Variants in NELFCD observed in about 807,000 individuals in gnomAD.
NELFCD encodes the protein negative elongation factor complex member C/D.
In NELFCD, 48 loss-of-function variants were observed where a neutral mutation model predicts 72.9. The observed-to-expected ratio is 0.66, with a 90% confidence interval of 0.52 to 0.84. NELFCD has a LOEUF of 0.84. NELFCD is among the 40% of genes least tolerant of loss of function. The pLI is 0.00. For missense variants in NELFCD, 538 were observed against 723.8 expected, an observed-to-expected ratio of 0.74 and a Z score of 2.94; for synonymous variants, 297 against 280.6, an observed-to-expected ratio of 1.06 and a Z score of -0.59.
chr20:58,994,428 T>C (rs2091842923), intron 14 of NELFCD, among the ~76,000 whole-genome samples, 189 bp downstream of exon 14: 1 of 151,988 alleles, frequency 6.6e-6, no homozygotes, highest in Non-Finnish European at 1.5e-5. Context: ...CTGGGCATGG[T>C]GGCACGTGCC....
intron 4 of NELFCD, 64 bp downstream of exon 4, chr20:58,987,881 C>T (rs1358314897): frequency 1.8e-5 from 22 of 1,228,774 alleles, no homozygotes; most frequent in Non-Finnish European, 2.5e-5. Flanking sequence ...TCCCTGTGTA[C>T]AGTGGAGCGT....
rs554083051 is a variant in NELFCD, at chr20:58,991,616, G to A, written c.1089+170G>A. On this transcript the variant is annotated intron_variant, in intron 9 of 14. Coordinates refer to ENST00000652272, the MANE Select transcript of NELFCD (RefSeq NM_198976.4). Reference sequence around the variant, plus strand: ...AGCACTAAACGTCTCCAGAAAATGTGCGTAATGTCTCCAATGCTCTGCAAA... The same window carrying A: ...AGCACTAAACGTCTCCAGAAAATGTACGTAATGTCTCCAATGCTCTGCAAA... 4 of 795,856 alleles carry A rather than the reference G, an allele frequency of 5.0e-6. No individual in the cohort carries two copies. In the East Asian group the frequency reaches 1.1e-4, roughly 21 times the overall value. 49.3% of individuals were successfully genotyped at this position (795,856 alleles called of 1,614,324 possible). A position where few individuals can be genotyped will look rare whatever the true frequency, so the allele number is the denominator to read the frequency against.
rs75004746 is a variant in NELFCD, at chr20:58,991,300, G to A, written c.955-12G>A. 2,183 of 1,614,162 alleles carry A rather than the reference G, an allele frequency of 1.4e-3. 31 individuals are homozygous for A. The African/African-American group carries it at 0.027, about 20-fold the overall frequency. ...GCCTGCCATCCCGAACTGGGCATAT[G>A]CTTCTCCTCAGATCCGCGTTCCAGC... On this transcript the variant is annotated splice_polypyrimidine_tract_variant and intron_variant, in intron 8 of 14. Transcript: ENST00000652272.
intron 1 of NELFCD, among the ~76,000 whole-genome samples, chr20:58,985,436 G>A (rs2091764828): frequency 1.3e-5 from 2 of 152,236 alleles, no homozygotes; most frequent in Non-Finnish European, 2.9e-5. Context: ...AAGTTGGACA[G>A]GGTTTGGGAT....
chr20:58,983,416 G>A lies in NELFCD; in HGVS notation c.60+2047G>A, dbSNP rs113739752. On this transcript the variant is annotated intron_variant, in intron 1 of 14. Transcript: ENST00000652272. ...CTCCCAAAATGCTAGGATTACAGGCGTGAGCCACCGCACCCGGCCTTTTTT... is the reference window on the plus strand; with the variant it reads ...CTCCCAAAATGCTAGGATTACAGGCATGAGCCACCGCACCCGGCCTTTTTT... Among the ~76,000 whole-genome samples the A allele has an allele frequency of 2.3e-4, 35 of 150,144 alleles. 1 individual carries two copies. Among genetic ancestry groups the A allele is most frequent in the East Asian group, 7.9e-4 (4 of 5,092 alleles).
At chr20:58,985,087 T>C (rs1280110739) in intron 1 of NELFCD, among the ~76,000 whole-genome samples, 2 of 152,234 alleles carry the variant, frequency 1.3e-5, no homozygotes, top group Admixed American at 6.5e-5. Flanking sequence ...GTTGTGCCTG[T>C]CTCTGTCTTA....
chr20:58,985,109 C>T (rs2091762660), intron 1 of NELFCD, among the ~76,000 whole-genome samples: 1 of 152,224 alleles, frequency 6.6e-6, no homozygotes, highest in South Asian at 2.1e-4. Flanking sequence ...CTACTTACCT[C>T]TGCCCTTACA....
At position 58,989,656 on chromosome 20, in the gene NELFCD, A is replaced by G. The variant is rs778217155; in HGVS notation, c.657+16A>G. 2.4e-5 allele frequency: 38 copies of G among 1,614,054 alleles called. No individual in the cohort carries two copies. Among genetic ancestry groups the G allele is most frequent in the Non-Finnish European group, 3.1e-5 (37 of 1,180,022 alleles). ...TGAGTTTGCCGTAAGTTCTTTCTTTATGAACCTCAGATTAGAAGGAGGCTG... is the reference window on the plus strand; with the variant it reads ...TGAGTTTGCCGTAAGTTCTTTCTTTGTGAACCTCAGATTAGAAGGAGGCTG... On this transcript the variant is annotated intron_variant, in intron 6 of 14. Transcript: ENST00000652272.
At position 58,993,055 on chromosome 20, in the gene NELFCD, A is replaced by C; in HGVS notation, c.1287A>C (p.Pro429=). Residue 429 remains proline, a synonymous_variant, in exon 11 of 15, where the codon CCA becomes CCC. Coordinates refer to ENST00000652272, the MANE Select transcript of NELFCD (RefSeq NM_198976.4). The surrounding 1 kb of genome is among the most constrained non-coding windows in gnomAD (Gnocchi z 5.0). ...GGGTGGATTGGACTGTATCAGAACC[A>C]AGGTACTTTCAGCTGCAGACTGACC... The part of the protein sequence containing the change: ...LKWVDWTVSE[P]RYFQLQTDHT... 1 of 1,614,164 alleles carries C rather than the reference A, an allele frequency of 6.2e-7. No individual in the cohort carries two copies. The highest frequency in any genetic ancestry group is 8.5e-7 in the Non-Finnish European group (1 of 1,180,024).
Position 58,994,688 on chromosome 20 carries a change from C to T in NELFCD, c.*12C>T. 6.2e-7 allele frequency: 1 copy of T among 1,607,564 alleles called. No individual in the cohort carries two copies. The highest frequency in any genetic ancestry group is 8.5e-7 in the Non-Finnish European group (1 of 1,174,480). On this transcript the variant is annotated 3_prime_UTR_variant, in exon 15 of 15. Transcript: ENST00000652272. The stretch of plus-strand genomic sequence containing the variant: ...TCATGGTGAACTAATTTAGAGCATC[C>T]TCCAGAGCTGAAGCAGAACATTCCA...
chr20:58,985,508 T>G (rs1405761048), intron 1 of NELFCD, among the ~76,000 whole-genome samples: 6 of 152,086 alleles, frequency 3.9e-5, no homozygotes, highest in Non-Finnish European at 8.8e-5. Context: ...TTAGATGGAG[T>G]GACAGGCCTG....
rs886145458 is a variant in NELFCD at position 58,985,229 on chromosome 20, CT to C, written c.61-863del. On this transcript the variant is annotated intron_variant, in intron 1 of 14. Transcript: ENST00000652272. ...GGATTCGGCTCTGGGTCATAGTTTGCTGACCCCTGGCCCAGCTCTTGCCCCA... is the reference window on the plus strand; with the variant it reads ...GGATTCGGCTCTGGGTCATAGTTTGCGACCCCTGGCCCAGCTCTTGCCCCA... Among the ~76,000 whole-genome samples the C allele has an allele frequency of 5.7e-3, 868 of 152,310 alleles. 10 individuals carry two copies. Among genetic ancestry groups the C allele is most frequent in the African/African-American group, 0.02 (835 of 41,566 alleles).
intron 5 of NELFCD, 166 bp from the exon 6 acceptor site, chr20:58,989,321 GC>G: frequency 1.3e-6 from 1 of 791,660 alleles, no homozygotes; most frequent in Non-Finnish European, 2.1e-6. Flanking sequence ...GAGGTGGTCA[GC>G]CCAGGGCACA....
intron 10 of NELFCD, 90 bp from the exon 11 acceptor site, chr20:58,992,908 G>C: frequency 1.2e-6 from 1 of 861,826 alleles, no homozygotes; most frequent in Non-Finnish European, 1.9e-6. Flanking sequence ...GGAGTCATTT[G>C]AGTTTGTTTT....
At chr20:58,982,618 C>T (rs2091743821) in intron 1 of NELFCD, among the ~76,000 whole-genome samples, 1 of 152,094 alleles carries the variant, frequency 6.6e-6, no homozygotes, top group African/African-American at 2.4e-5. Context: ...CCAAGGCGGG[C>T]GATGTGTTTC....
Position 58,986,348 on chromosome 20 carries a change from C to CTTTT in NELFCD, c.176+152_176+155dup. 4.2e-6 allele frequency: 2 copies of CTTTT among 474,536 alleles called. No individual in the cohort carries two copies. The highest frequency in any genetic ancestry group is 7.4e-6 in the Non-Finnish European group (2 of 269,218). The allele number at this position is 474,536 out of a possible 1,614,324, so 29.4% of individuals were successfully genotyped here. On this transcript the variant is annotated intron_variant, in intron 2 of 14. Coordinates refer to ENST00000652272, the MANE Select transcript of NELFCD (RefSeq NM_198976.4). This position sits in a 1 kb window ranked among gnomAD's most constrained non-coding sequence, Gnocchi z 4.4. ...CTTCAAGGGGGGGTCCCCTCTGCCA[C>CTTTT]TTTTTTTTTTTTTTTAAATTTTTTT...
chr20:58,994,127 T>C lies in NELFCD; in HGVS notation c.1599T>C (p.Ala533=). 1 of 1,614,170 alleles carries C rather than the reference T, an allele frequency of 6.2e-7. No individual in the cohort carries two copies. The highest frequency in any genetic ancestry group is 8.5e-7 in the Non-Finnish European group (1 of 1,180,016). Reference sequence around the variant, plus strand: ...CCACGCAGGTGCTGGACGTCATTGCTCCTCCTTATACCTCTGACTTCGTGC... The same window carrying C: ...CCACGCAGGTGCTGGACGTCATTGCCCCTCCTTATACCTCTGACTTCGTGC... ...YFVTEVLDVI[A]PPYTSDFVQL... The change falls in exon 14 of 15, where the codon GCT becomes GCC. Residue 533 remains alanine (A), a synonymous_variant. Transcript: ENST00000652272.
At position 58,988,109 on chromosome 20, in the gene NELFCD, G is replaced by A. The variant is rs2091786027; in HGVS notation, c.396+292G>A. ...AGGGCACAGCCCTTGGAGTGTTGTG[G>A]TGGATTCGTTTGGTTCCTCCAAGAA... On this transcript the variant is annotated intron_variant, in intron 4 of 14. Transcript: ENST00000652272. The A allele has an allele frequency of 8.2e-6, 3 of 365,910 alleles. No individual in the cohort carries two copies. In the East Asian group the frequency reaches 1.6e-4, roughly 20 times the overall value. The allele number at this position is 365,910 out of a possible 1,614,324, so 22.7% of individuals were successfully genotyped here.
At chr20:58,981,478 G>C (rs1332712790) in intron 1 of NELFCD, 109 bp downstream of exon 1, 16 of 324,218 alleles carry the variant, frequency 4.9e-5, no homozygotes, top group East Asian at 1.3e-4. Flanking sequence ...GGGCGTGCGG[G>C]GGGTGTGCGC....
Sources: gnomAD v4.1 joint callset for allele counts (sites outside exome capture counted in the v4.1 genomes callset) on GRCh38, gnomAD v4.1.1 for gene constraint, Gnocchi (gnomAD v3.1) non-coding constraint, MANE v1.5 for transcripts, NCBI Gene and HGNC (gene_info 2026-07-23, HGNC 2026-07-21) for gene names.